The following LRFN3 variants were observed in gnomAD, a reference collection of about 807,000 sequenced individuals.
The protein encoded by LRFN3 is leucine rich repeat and fibronectin type III domain containing 3.
A neutral mutation model predicts 23.8 loss-of-function variants in LRFN3; 8 were observed. The ratio of observed to expected loss-of-function variants is 0.34; its 90% confidence interval spans 0.20 to 0.61. LRFN3 has a LOEUF of 0.61. Ranked by LOEUF, LRFN3 falls within the 20% of genes least tolerant of loss-of-function variation. LRFN3 has a pLI of 0.80. For synonymous variants in LRFN3, 451 were observed against 450.6 expected (o/e 1.00, Z -0.01); for missense variants, 736 against 935.3 (o/e 0.79, Z 2.78).
chr19:35,942,599 C>T (rs905502487), intron 2 of LRFN3, among the ~76,000 whole-genome samples: 1 of 152,176 alleles, frequency 6.6e-6, no homozygotes, highest in East Asian at 1.9e-4. Context: ...CCTGGATGTC[C>T]TTTCCCTCCC....
Position 35,939,522 on chromosome 19 carries a change from C to T in LRFN3, c.97C>T (p.Arg33Cys), listed in dbSNP as rs947789538. 8.7e-6 allele frequency: 14 copies of T among 1,607,616 alleles called. No individual in the cohort carries two copies. The highest frequency in any genetic ancestry group is 1.7e-5 in the Admixed American group (1 of 59,956). The change falls in exon 2 of 3, where the codon CGC becomes TGC. Residue 33 changes from arginine (R) to cysteine (C), a missense_variant. This residue lies in a region of LRFN3 where 446 missense variants were observed against 647.9 expected (regional missense o/e 0.69). Coordinates refer to ENST00000246529, the MANE Select transcript of LRFN3 (RefSeq NM_024509.2). This position sits in a 1 kb window ranked among gnomAD's most constrained non-coding sequence, Gnocchi z 6.4. ...ATPSPCPRRCRCQTQSLPLSV... is the reference protein window; with the variant it reads ...ATPSPCPRRCCCQTQSLPLSV... ...ACCCAGCCCATGTCCCCGCCGCTGC[C>T]GCTGCCAGACACAGTCGCTGCCCCT...
chr19:35,944,230 T>C lies in LRFN3; in HGVS notation c.1416-318T>C, dbSNP rs1267001418. On this transcript the variant is annotated intron_variant, in intron 2 of 2. Coordinates refer to ENST00000246529, the MANE Select transcript of LRFN3 (RefSeq NM_024509.2). The surrounding 1 kb of genome is among the most constrained non-coding windows in gnomAD (Gnocchi z 4.5). ...AAAGAAAGAAAAGAAACAGGATGGA[T>C]TGGAAGAACTCACGTGGTGAGCTGT... 1.3e-5 allele frequency among the ~76,000 whole-genome samples: 2 copies of C among 151,920 alleles called. No individual in the cohort carries two copies. The highest frequency in any genetic ancestry group is 1.3e-4 in the Admixed American group (2 of 15,242).
rs772729352 is a variant in LRFN3, at chr19:35,944,767, C to T, written c.1635C>T (p.Gly545=). Reference sequence around the variant, plus strand: ...GCACGATGATCATCGCGCTGGGCGGCGTCATCGTAGCCTCGGTACTGGTCT... The same window carrying T: ...GCACGATGATCATCGCGCTGGGCGGTGTCATCGTAGCCTCGGTACTGGTCT... The part of the protein sequence containing the change: ...LGGTMIIALG[G]VIVASVLVFI... Residue 545 remains glycine, a synonymous_variant, in exon 3 of 3, where the codon GGC becomes GGT. Transcript: ENST00000246529. The surrounding 1 kb of genome is among the most constrained non-coding windows in gnomAD (Gnocchi z 4.5). The T allele has an allele frequency of 1.2e-5, 19 of 1,609,876 alleles. No individual in the cohort carries two copies. Among genetic ancestry groups the T allele is most frequent in the Non-Finnish European group, 1.6e-5 (19 of 1,178,578 alleles).
In LRFN3 at chr19:35,944,726, G is replaced by C. The variant is rs745952887; in HGVS notation, c.1594G>C (p.Ala532Pro). 5.0e-6 allele frequency: 8 copies of C among 1,605,442 alleles called. No individual in the cohort carries two copies. Among genetic ancestry groups the C allele is most frequent in the South Asian group, 4.4e-5 (4 of 89,974 alleles). The change falls in exon 3 of 3, where the codon GCT becomes CCT. Residue 532 changes from alanine (A) to proline (P), a missense_variant. By Grantham distance (27) the Ala-to-Pro change is conservative. This residue lies in a region of LRFN3 where 290 missense variants were observed against 287.4 expected (regional missense o/e 1.01). Transcript: ENST00000246529. This position sits in a 1 kb window ranked among gnomAD's most constrained non-coding sequence, Gnocchi z 4.5. ...PALRPCGAPHAPFLGGTMIIA... is the reference protein window; with the variant it reads ...PALRPCGAPHPPFLGGTMIIA... ...GCTGCGGCCATGCGGGGCGCCGCAC[G>C]CTCCCTTCCTGGGCGGCACGATGAT...
rs1215823182 is a variant in LRFN3, at chr19:35,945,036, C to T, written c.*17C>T. 4 of 1,279,510 alleles carry T rather than the reference C, an allele frequency of 3.1e-6. No homozygotes were observed. The highest frequency in any genetic ancestry group is 4.0e-6 in the Non-Finnish European group (4 of 1,002,038). The allele number at this position is 1,279,510 out of a possible 1,614,324, so 79.3% of individuals were successfully genotyped here. A position where few individuals can be genotyped will look rare whatever the true frequency, so the allele number is the denominator to read the frequency against. ...GGACCCTAGCCAGGCGCCCCCCCCTCTAAGGGTCCTCTGGCCCCACGGACA... is the reference window on the plus strand; with the variant it reads ...GGACCCTAGCCAGGCGCCCCCCCCTTTAAGGGTCCTCTGGCCCCACGGACA... On this transcript the variant is annotated 3_prime_UTR_variant, in exon 3 of 3. Coordinates refer to ENST00000246529, the MANE Select transcript of LRFN3 (RefSeq NM_024509.2).
Position 35,939,836 on chromosome 19 carries a change from C to T in LRFN3, c.411C>T (p.Ile137=). 1 of 1,602,408 alleles carries T rather than the reference C, an allele frequency of 6.2e-7. No homozygotes were observed. Among genetic ancestry groups the T allele is most frequent in the Non-Finnish European group, 8.5e-7 (1 of 1,179,810 alleles). ...GCCTGGTCAACTTGCGCCACCTCAT[C>T]CTCAGCAACAACCAGCTGGCAGCGC... ...LRGLVNLRHL[I]LSNNQLAALA... The change falls in exon 2 of 3, where the codon ATC becomes ATT. Residue 137 remains isoleucine, a synonymous_variant. Coordinates refer to ENST00000246529, the MANE Select transcript of LRFN3 (RefSeq NM_024509.2). This position sits in a 1 kb window ranked among gnomAD's most constrained non-coding sequence, Gnocchi z 6.4.
Position 35,945,313 on chromosome 19 carries a change from G to T in LRFN3, c.*294G>T, listed in dbSNP as rs546213069. 5 of 323,690 alleles carry T rather than the reference G, an allele frequency of 1.5e-5. No homozygotes were observed. In the East Asian group the frequency reaches 2.7e-4, roughly 18 times the overall value. 20.1% of individuals were successfully genotyped at this position (323,690 alleles called of 1,614,324 possible). A position where few individuals can be genotyped will look rare whatever the true frequency, so the allele number is the denominator to read the frequency against. ...CGCCCAGTTCAGTCTGAGGACCCCG[G>T]AGGAGGCTGAGGATGGCGATCCATT... On this transcript the variant is annotated 3_prime_UTR_variant, in exon 3 of 3. Coordinates refer to ENST00000246529, the MANE Select transcript of LRFN3 (RefSeq NM_024509.2).
chr19:35,938,124 C>T (rs957143543), intron 1 of LRFN3, among the ~76,000 whole-genome samples: 3 of 152,198 alleles, frequency 2.0e-5, no homozygotes, highest in African/African-American at 7.2e-5. Flanking sequence ...TGCTGTCCAC[C>T]ACTCTTCTCT....
Position 35,939,745 on chromosome 19 carries a change from G to C in LRFN3, c.320G>C (p.Arg107Pro). 1.2e-6 allele frequency: 2 copies of C among 1,604,058 alleles called. No individual in the cohort carries two copies. The highest frequency in any genetic ancestry group is 1.1e-5 in the South Asian group (1 of 90,962). Reference protein sequence around the residue: ...HVAAGAFADLRALRALHLDGN... With the variant: ...HVAAGAFADLPALRALHLDGN... Reference sequence around the variant, plus strand: ...GCTGCCGGCGCCTTCGCCGACCTGCGGGCCCTGCGTGCCCTGCACCTGGAT... The same window carrying C: ...GCTGCCGGCGCCTTCGCCGACCTGCCGGCCCTGCGTGCCCTGCACCTGGAT... The change falls in exon 2 of 3, where the codon CGG becomes CCG. Residue 107 changes from arginine to proline, a missense_variant. Arg to Pro is a moderately radical substitution (Grantham distance 103). Around this residue, in one of 2 missense-constraint regions of LRFN3, gnomAD observed 446 missense variants for 647.9 expected, o/e 0.69. Transcript: ENST00000246529. The surrounding 1 kb of genome is among the most constrained non-coding windows in gnomAD (Gnocchi z 6.4).
intron 1 of LRFN3, among the ~76,000 whole-genome samples, chr19:35,938,428 C>A (rs1047988365): frequency 6.6e-6 from 1 of 151,380 alleles, no homozygotes; most frequent in African/African-American, 2.4e-5. Context: ...CTGCCCACCT[C>A]TTTTCTCTCG....
At position 35,940,799 on chromosome 19, in the gene LRFN3, G is replaced by A. The variant is rs753673461; in HGVS notation, c.1374G>A (p.Gln458=). Residue 458 remains glutamine, a synonymous_variant, in exon 2 of 3, where the codon CAG becomes CAA. Transcript: ENST00000246529. ...CTATCCCGGGCATCCGCATGTACCAGATCCAGTACAACAGCTCGGCTGATG... is the reference window on the plus strand; with the variant it reads ...CTATCCCGGGCATCCGCATGTACCAAATCCAGTACAACAGCTCGGCTGATG... The part of the protein sequence containing the change: ...QRPIPGIRMY[Q]IQYNSSADDI... 1 of 1,600,626 alleles carries A rather than the reference G, an allele frequency of 6.2e-7. No individual in the cohort carries two copies. Among genetic ancestry groups the A allele is most frequent in the South Asian group, 1.1e-5 (1 of 90,152 alleles).
rs1038716076 is a variant in LRFN3 at position 35,944,398 on chromosome 19, T to C, written c.1416-150T>C. The C allele has an allele frequency of 6.7e-5, 34 of 509,134 alleles. No individual in the cohort carries two copies. The highest frequency in any genetic ancestry group is 1.0e-4 in the Non-Finnish European group (31 of 304,478). 31.5% of individuals were successfully genotyped at this position (509,134 alleles called of 1,614,324 possible). On this transcript the variant is annotated intron_variant, in intron 2 of 2. Coordinates refer to ENST00000246529, the MANE Select transcript of LRFN3 (RefSeq NM_024509.2). The surrounding 1 kb of genome is among the most constrained non-coding windows in gnomAD (Gnocchi z 4.5). ...GAATGGGATGTCAGACCAAAGGGAA[T>C]TGGGATGTTGGTGAGAGGGAGCTCA... is the stretch of plus-strand genomic sequence containing the variant.
In LRFN3 at chr19:35,940,736, G is replaced by A. The variant is rs144242723; in HGVS notation, c.1311G>A (p.Gly437=). Residue 437 remains glycine (G), a synonymous_variant, in exon 2 of 3, where the codon GGG becomes GGA. Transcript: ENST00000246529. The part of the protein sequence containing the change: ...TDRGVQVTEH[G]ATAALVQWPD... ...GTGGCGTCCAGGTGACTGAGCACGG[G>A]GCCACAGCTGCTCTTGTCCAGTGGC... The A allele has an allele frequency of 1.0e-3, 1,654 of 1,613,318 alleles. 1 individual carries two copies. The highest frequency in any genetic ancestry group is 1.3e-3 in the Non-Finnish European group (1,495 of 1,179,892).
rs1056774259 is a variant in LRFN3, at chr19:35,936,841, C to G, written c.-731C>G. ...GGCCGTGGAACCCCAAGATCTGGAG[C>G]CTGAACCCCAGTATATGGGGCTGGA... On this transcript the variant is annotated 5_prime_UTR_variant, in exon 1 of 3. Transcript: ENST00000246529. The G allele has an allele frequency of 6.6e-6, 1 of 152,190 alleles. No homozygotes were observed. Among genetic ancestry groups the G allele is most frequent in the East Asian group, 1.9e-4 (1 of 5,192 alleles). 9.4% of individuals were successfully genotyped at this position (152,190 alleles called of 1,614,324 possible). A position where few individuals can be genotyped will look rare whatever the true frequency, so the allele number is the denominator to read the frequency against.
In LRFN3 at chr19:35,945,274, A is replaced by G. The variant is rs896786835; in HGVS notation, c.*255A>G. ...GAGCTGGGGAATGCCTCCTTTGGGG[A>G]GACACCCCCTCCCCGCCCAGTTCAG... On this transcript the variant is annotated 3_prime_UTR_variant, in exon 3 of 3. Transcript: ENST00000246529. 1.0e-5 allele frequency: 4 copies of G among 381,164 alleles called. No individual in the cohort carries two copies. The highest frequency in any genetic ancestry group is 1.9e-5 in the Non-Finnish European group (4 of 215,240). The allele number at this position is 381,164 out of a possible 1,614,324, so 23.6% of individuals were successfully genotyped here.
At position 35,944,976 on chromosome 19, in the gene LRFN3, A is replaced by T. The variant is rs1366935002; in HGVS notation, c.1844A>T (p.Asp615Val). The T allele has an allele frequency of 2.1e-6, 3 of 1,413,364 alleles. No homozygotes were observed. The highest frequency in any genetic ancestry group is 2.7e-6 in the Non-Finnish European group (3 of 1,095,530). The allele number at this position is 1,413,364 out of a possible 1,614,324, so 87.6% of individuals were successfully genotyped here. A position where few individuals can be genotyped will look rare whatever the true frequency, so the allele number is the denominator to read the frequency against. Residue 615 changes from aspartate (D) to valine (V), a missense_variant, in exon 3 of 3, where the codon GAC becomes GTC. Asp to Val is a radical substitution (Grantham distance 152). Transcript: ENST00000246529. The surrounding 1 kb of genome is among the most constrained non-coding windows in gnomAD (Gnocchi z 4.5). ...AGGGCCCACACCGTGGTCCAGCTGG[A>T]CTGCGAGCCCTGGGGGCCCGGCCAC... ...ALRAHTVVQL[D>V]CEPWGPGHEP...
chr19:35,939,935 G>T lies in LRFN3; in HGVS notation c.510G>T (p.Gln170His). Residue 170 changes from glutamine to histidine, a missense_variant, in exon 2 of 3, where the codon CAG (glutamine) becomes CAT (histidine). Gln to His is a conservative substitution (Grantham distance 24). This residue lies in a region of LRFN3 where 446 missense variants were observed against 647.9 expected (regional missense o/e 0.69). Transcript: ENST00000246529. The surrounding 1 kb of genome is among the most constrained non-coding windows in gnomAD (Gnocchi z 6.4). ...ACCTCTCCTACAACAACCTCGAGCAGCTGCCCTGGGAGGCCCTGGGCCGCC... is the reference window on the plus strand; with the variant it reads ...ACCTCTCCTACAACAACCTCGAGCATCTGCCCTGGGAGGCCCTGGGCCGCC... ...DLDLSYNNLEQLPWEALGRLG... is the reference protein window; with the variant it reads ...DLDLSYNNLEHLPWEALGRLG... 6.2e-7 allele frequency: 1 copy of T among 1,606,636 alleles called. No homozygotes were observed.
chr19:35,940,116 C>T lies in LRFN3; in HGVS notation c.691C>T (p.Leu231Phe), dbSNP rs1369286814. Reference sequence around the variant, plus strand: ...CCCACTCTTCTCCCGCCTGCCCCTGCTCGCCAGGCCCCGGGGCTCGCCCGC... The same window carrying T: ...CCCACTCTTCTCCCGCCTGCCCCTGTTCGCCAGGCCCCGGGGCTCGCCCGC... The part of the protein sequence containing the change: ...PDPLFSRLPL[L>F]ARPRGSPASA... Residue 231 changes from leucine (L) to phenylalanine (F), a missense_variant, in exon 2 of 3, where the codon CTC becomes TTC. Physicochemically the swap from Leu to Phe is conservative, Grantham distance 22. Transcript: ENST00000246529. 6.2e-7 allele frequency: 1 copy of T among 1,611,480 alleles called. No individual in the cohort carries two copies. Among genetic ancestry groups the T allele is most frequent in the African/African-American group, 1.3e-5 (1 of 74,924 alleles).
At position 35,936,481 on chromosome 19, in the gene LRFN3, C is replaced by T. The variant is rs1001232919; in HGVS notation, c.-1091C>T. 4 of 149,534 alleles carry T rather than the reference C, an allele frequency of 2.7e-5. No individual in the cohort carries two copies. 9.3% of individuals were successfully genotyped at this position (149,534 alleles called of 1,614,324 possible). On this transcript the variant is annotated 5_prime_UTR_variant, in exon 1 of 3. Transcript: ENST00000246529. ...CGCCCGGCCCCCGCCTCGGCCCCGG[C>T]GGGGGAGGGGTCTCTGAGCGCGGCC...
Sources: gnomAD v4.1 joint callset for allele counts (sites outside exome capture counted in the v4.1 genomes callset) on GRCh38, gnomAD v4.1.1 for gene constraint, gnomAD v4.1.1 regional missense constraint, Gnocchi (gnomAD v3.1) non-coding constraint, MANE v1.5 for transcripts, NCBI Gene and HGNC (gene_info 2026-07-23, HGNC 2026-07-21) for gene names.